Variants in PLA2G4A observed in about 807,000 individuals in gnomAD.
The protein encoded by PLA2G4A is cytosolic phospholipase A2.
A neutral mutation model predicts 81.9 loss-of-function variants in PLA2G4A; 40 were observed. That is an observed-to-expected ratio of 0.49 (90% CI 0.38 to 0.64). PLA2G4A has a LOEUF of 0.64. Ranked by LOEUF, PLA2G4A falls within the 30% of genes least tolerant of loss-of-function variation. PLA2G4A has a pLI of 0.00. For synonymous variants in PLA2G4A, 302 were observed against 296.9 expected, an observed-to-expected ratio of 1.02 and a Z score of -0.18; for missense variants, 715 against 905.1, an observed-to-expected ratio of 0.79 and a Z score of 2.69.
intron 7 of PLA2G4A, among the ~76,000 whole-genome samples, chr1:186,924,859 A>G (rs1199148604): frequency 1.3e-5 from 2 of 152,170 alleles, no homozygotes; most frequent in African/African-American, 2.4e-5. Flanking sequence ...AGACTGGCCC[A>G]GCCAACATGG....
intron 15 of PLA2G4A, among the ~76,000 whole-genome samples, chr1:186,974,418 C>CT (rs2102290816): frequency 6.6e-6 from 1 of 152,202 alleles, no homozygotes; most frequent in Admixed American, 6.5e-5. Context: ...TCGATTGAAC[C>CT]TGGGAGGCAG....
intron 16 of PLA2G4A, 85 bp downstream of exon 16, chr1:186,977,873 C>A: frequency 1.1e-6 from 1 of 875,036 alleles, no homozygotes; most frequent in Non-Finnish European, 2.0e-6. Flanking sequence ...TCTGTCACTG[C>A]TGTACCAGCT....
At chr1:186,952,407 T>A (rs1255391035) in intron 13 of PLA2G4A, among the ~76,000 whole-genome samples, 1 of 151,978 alleles carries the variant, frequency 6.6e-6, no homozygotes, top group African/African-American at 2.4e-5. Flanking sequence ...TTACATAGAG[T>A]TTTTAGAGCA....
intron 12 of PLA2G4A, among the ~76,000 whole-genome samples, chr1:186,947,517 G>A (rs967180811): frequency 7.2e-5 from 11 of 152,104 alleles, no homozygotes; most frequent in Non-Finnish European, 1.5e-5. Flanking sequence ...TACAAAACCT[G>A]AGAAAGTAGA....
chr1:186,857,794 G>C (rs932281619), intron 2 of PLA2G4A, among the ~76,000 whole-genome samples: 1 of 151,538 alleles, frequency 6.6e-6, no homozygotes, highest in African/African-American at 2.4e-5. Flanking sequence ...GATGTTCCCC[G>C]CTCTGTGTCC....
intron 3 of PLA2G4A, among the ~76,000 whole-genome samples, chr1:186,873,356 A>G (rs945388120): frequency 1.3e-5 from 2 of 152,054 alleles, no homozygotes; most frequent in African/African-American, 4.8e-5. Flanking sequence ...CAAGAATAGA[A>G]CTATAAGAAC....
intron 1 of PLA2G4A, among the ~76,000 whole-genome samples, chr1:186,841,947 T>G (rs903579155): frequency 2.0e-5 from 3 of 152,094 alleles, no homozygotes; most frequent in Admixed American, 2.0e-4. Flanking sequence ...GCGGGGAGCT[T>G]TTTAAATAAT....
chr1:186,910,008 A>G (rs1049765262), intron 6 of PLA2G4A, among the ~76,000 whole-genome samples: 1 of 152,132 alleles, frequency 6.6e-6, no homozygotes, highest in African/African-American at 2.4e-5. Context: ...ACTAGAAAAT[A>G]AGTATTTAAA....
At position 186,893,175 on chromosome 1, in the gene PLA2G4A, GGAT is replaced by G; in HGVS notation, c.264+18_264+20del. On this transcript the variant is annotated intron_variant, in intron 4 of 17. Coordinates refer to ENST00000367466, the MANE Select transcript of PLA2G4A (RefSeq NM_024420.3). ...TGTTTTGGAGGTAAGTGAACCATTT[GGAT>G]GCTGTTAGATGGTTGTGATTCATGT... 2.5e-6 allele frequency: 4 copies of G among 1,603,166 alleles called. No homozygotes were observed. Among genetic ancestry groups the G allele is most frequent in the Non-Finnish European group, 3.4e-6 (4 of 1,170,208 alleles).
chr1:186,939,896 T>C (rs1209676517), intron 9 of PLA2G4A, 84 bp from the exon 10 acceptor site: 1 of 733,698 alleles, frequency 1.4e-6, no homozygotes, highest in Non-Finnish European at 2.5e-6. Flanking sequence ...TATAAGATTT[T>C]GATTGGAAGT....
At chr1:186,919,413 T>C (rs978533502) in intron 7 of PLA2G4A, among the ~76,000 whole-genome samples, 6 of 152,196 alleles carry the variant, frequency 3.9e-5, no homozygotes, top group Admixed American at 1.3e-4. Context: ...AGCTTTCTTC[T>C]TGGACATCTT....
intron 7 of PLA2G4A, among the ~76,000 whole-genome samples, chr1:186,918,702 G>A (rs769765976): frequency 6.6e-6 from 1 of 152,198 alleles, no homozygotes; most frequent in Non-Finnish European, 1.5e-5. Context: ...AGTTATGCTC[G>A]CCCGGGCTCT....
intron 7 of PLA2G4A, 51 bp downstream of exon 7, chr1:186,911,440 T>G (rs1171985734): frequency 1.5e-6 from 2 of 1,358,602 alleles, no homozygotes; most frequent in African/African-American, 1.4e-5. Flanking sequence ...TAATTTAGCT[T>G]GGACAATTTC....
intron 5 of PLA2G4A, among the ~76,000 whole-genome samples, chr1:186,901,826 AT>A (rs1654549623): frequency 1.3e-5 from 2 of 152,166 alleles, no homozygotes; most frequent in Non-Finnish European, 2.9e-5. Context: ...GTTAAGAACA[AT>A]TTTTTTGTGT....
At chr1:186,869,242 G>A (rs899156332) in intron 2 of PLA2G4A, among the ~76,000 whole-genome samples, 1 of 151,944 alleles carries the variant, frequency 6.6e-6, no homozygotes, top group Admixed American at 6.6e-5. Context: ...ATTTCATTTA[G>A]TTTCAAATAT....
intron 8 of PLA2G4A, among the ~76,000 whole-genome samples, chr1:186,933,930 A>C (rs1487392063): frequency 6.6e-6 from 1 of 152,142 alleles, no homozygotes; most frequent in Non-Finnish European, 1.5e-5. Flanking sequence ...TTTCACATTT[A>C]AATCATCCAC....
At chr1:186,867,376 T>G (rs1343340652) in intron 2 of PLA2G4A, among the ~76,000 whole-genome samples, 5 of 152,328 alleles carry the variant, frequency 3.3e-5, no homozygotes, top group African/African-American at 1.2e-4. Context: ...CTTGATTTAT[T>G]TCATATGAAT....
chr1:186,836,031 G>A (rs1651764317), intron 1 of PLA2G4A, among the ~76,000 whole-genome samples: 1 of 151,900 alleles, frequency 6.6e-6, no homozygotes, highest in Non-Finnish European at 1.5e-5. Flanking sequence ...TCAATGAAAA[G>A]CAATAAAAGA....
At chr1:186,973,167 C>T (rs540152096) in intron 15 of PLA2G4A, among the ~76,000 whole-genome samples, 1 of 152,286 alleles carries the variant, frequency 6.6e-6, no homozygotes, top group East Asian at 1.9e-4. Flanking sequence ...TATTCTCTCA[C>T]AGTTTCGGAG....
Sources: gnomAD v4.1 joint callset for allele counts (sites outside exome capture counted in the v4.1 genomes callset) on GRCh38, gnomAD v4.1.1 for gene constraint, MANE v1.5 for transcripts, NCBI Gene and HGNC (gene_info 2026-07-23, HGNC 2026-07-21) for gene names.